The following MVB12B variants were observed in gnomAD, a reference collection of about 807,000 sequenced individuals.
MVB12B encodes ESCRT-I complex subunit MVB12B.
A neutral mutation model predicts 41.6 loss-of-function variants in MVB12B; 16 were observed. That is an observed-to-expected ratio of 0.38 (90% CI 0.26 to 0.58). The LOEUF is 0.58. Among genes scored for constraint, MVB12B ranks in the 20% least tolerant of loss-of-function variants. MVB12B has a pLI of 0.62. For synonymous variants in MVB12B, 133 were observed against 139.7 expected (o/e 0.95, Z 0.34); for missense variants, 274 against 380.2 (o/e 0.72, Z 2.32).
At chr9:126,441,889 T>C (rs1443684636) in intron 7 of MVB12B, among the ~76,000 whole-genome samples, 3 of 152,250 alleles carry the variant, frequency 2.0e-5, no homozygotes, top group Non-Finnish European at 2.9e-5. Flanking sequence ...TCTAGATAGC[T>C]GAATGGTACC....
intron 2 of MVB12B, among the ~76,000 whole-genome samples, chr9:126,350,635 C>T (rs983688181): frequency 6.6e-6 from 1 of 152,182 alleles, no homozygotes; most frequent in African/African-American, 2.4e-5. Flanking sequence ...AACATGCTAG[C>T]TCAGATCTCT....
intron 7 of MVB12B, among the ~76,000 whole-genome samples, chr9:126,466,521 T>C (rs1404162263): frequency 6.6e-6 from 1 of 152,174 alleles, no homozygotes; most frequent in African/African-American, 2.4e-5. Context: ...ACGCGGATAG[T>C]GTGACATGAC....
chr9:126,412,734 A>T (rs1223102392), intron 6 of MVB12B, among the ~76,000 whole-genome samples: 2 of 152,152 alleles, frequency 1.3e-5, no homozygotes, highest in Non-Finnish European at 2.9e-5. Flanking sequence ...GTCACCTCTA[A>T]GTTACTCCCT....
chr9:126,469,576 C>T (rs1337686357), intron 7 of MVB12B, among the ~76,000 whole-genome samples: 1 of 152,194 alleles, frequency 6.6e-6, no homozygotes, highest in Non-Finnish European at 1.5e-5. Context: ...CCTGTCAGGC[C>T]CTTGCTGTCA....
In MVB12B at chr9:126,503,246, C is replaced by T; in HGVS notation, c.943C>T (p.Gln315Ter). 1 of 1,550,332 alleles carries T rather than the reference C, an allele frequency of 6.5e-7. No individual in the cohort carries two copies. Among genetic ancestry groups the T allele is most frequent in the Non-Finnish European group, 8.7e-7 (1 of 1,146,850 alleles). ...RLPPSPTRCQ[Q>*]IPQS ...CCCGCCCAGCCCCACCAGGTGTCAG[C>T]AGATCCCGCAGTCCTGAGGAGCCAG... Residue 315 changes from glutamine (Q) to a stop codon, truncating the protein, a stop_gained, in exon 10 of 10, where the codon CAG (glutamine) becomes TAG (stop). Transcript: ENST00000361171. LOFTEE classifies it high-confidence loss of function.
intron 2 of MVB12B, among the ~76,000 whole-genome samples, chr9:126,346,270 A>C (rs893328434): frequency 2.0e-5 from 3 of 152,162 alleles, no homozygotes; most frequent in Admixed American, 6.5e-5. Flanking sequence ...GGCTATTGAC[A>C]ATGGACATGT....
intron 7 of MVB12B, among the ~76,000 whole-genome samples, chr9:126,467,802 G>C (rs553493865): frequency 6.2e-4 from 95 of 152,280 alleles, no homozygotes; most frequent in Non-Finnish European, 1.2e-3. Flanking sequence ...ACAACAAGAT[G>C]TTCCTGGCCT....
At chr9:126,494,910 G>A (rs1833799921) in intron 9 of MVB12B, among the ~76,000 whole-genome samples, 1 of 150,422 alleles carries the variant, frequency 6.6e-6, no homozygotes. Flanking sequence ...ATAGCATTTA[G>A]GCCAGGCCCG....
Position 126,333,906 on chromosome 9 carries a change from G to C in MVB12B, c.82-6602G>C, listed in dbSNP as rs1829205684. Among the ~76,000 whole-genome samples the C allele has an allele frequency of 6.6e-6, 1 of 151,992 alleles. No individual in the cohort carries two copies. The highest frequency in any genetic ancestry group is 1.5e-5 in the Non-Finnish European group (1 of 68,016). ...CCATCCATTCGTTCATCAAATACCT[G>C]ATGAATACCTGCTCTCTTGTACTTA... On this transcript the variant is annotated intron_variant, in intron 1 of 9. Transcript: ENST00000361171. This position sits in a 1 kb window ranked among gnomAD's most constrained non-coding sequence, Gnocchi z 4.7.
At chr9:126,394,710 A>G (rs1280461424) in intron 5 of MVB12B, among the ~76,000 whole-genome samples, 1 of 152,184 alleles carries the variant, frequency 6.6e-6, no homozygotes, top group Non-Finnish European at 1.5e-5. Context: ...TCACTCATCT[A>G]AGAAGACAGG....
intron 2 of MVB12B, among the ~76,000 whole-genome samples, chr9:126,357,890 C>A (rs1829924625): frequency 1.3e-5 from 2 of 151,964 alleles, no homozygotes. Context: ...TTTACTAAAT[C>A]TTTGCTAGCC....
intron 7 of MVB12B, among the ~76,000 whole-genome samples, chr9:126,446,511 C>CAAAAA: frequency 1.8e-5 from 2 of 113,784 alleles, no homozygotes; most frequent in Non-Finnish European, 3.7e-5. Flanking sequence ...AAAAGAACAC[C>CAAAAA]AAAAAAAAAA....
At chr9:126,351,717 T>C (rs1362311391) in intron 2 of MVB12B, among the ~76,000 whole-genome samples, 1 of 152,184 alleles carries the variant, frequency 6.6e-6, no homozygotes, top group Non-Finnish European at 1.5e-5. Context: ...CTCAAAGTCC[T>C]GACCTTGTGA....
intron 7 of MVB12B, 87 bp from the exon 8 acceptor site, chr9:126,481,282 T>G: frequency 2.7e-6 from 3 of 1,119,864 alleles, no homozygotes; most frequent in Non-Finnish European, 4.0e-6. Flanking sequence ...CGGATTCATA[T>G]TCTCTGTTTC....
intron 2 of MVB12B, among the ~76,000 whole-genome samples, chr9:126,344,551 G>C (rs1431224765): frequency 1.3e-5 from 2 of 152,214 alleles, no homozygotes; most frequent in African/African-American, 4.8e-5. Context: ...GTTGTCCCAT[G>C]GCTGGGTTCA....
At chr9:126,396,914 A>C in intron 6 of MVB12B, 11 of 985,514 alleles carry the variant, frequency 1.1e-5, no homozygotes, top group Non-Finnish European at 1.3e-5. Flanking sequence ...ACTGCCCATC[A>C]GCACTTGTTC....
chr9:126,494,086 A>C (rs1024646939), intron 9 of MVB12B, among the ~76,000 whole-genome samples: 5 of 152,078 alleles, frequency 3.3e-5, no homozygotes, highest in African/African-American at 1.2e-4. Context: ...CTTGCTATTT[A>C]TAGACATTGT....
At chr9:126,338,730 A>G (rs1197969389) in intron 1 of MVB12B, among the ~76,000 whole-genome samples, 1 of 152,218 alleles carries the variant, frequency 6.6e-6, no homozygotes, top group African/African-American at 2.4e-5. Context: ...AAACTGCAGC[A>G]ATGTTATTTT....
intron 9 of MVB12B, among the ~76,000 whole-genome samples, chr9:126,497,193 G>C (rs921129090): frequency 6.6e-5 from 10 of 152,114 alleles, no homozygotes; most frequent in Non-Finnish European, 4.4e-5. Context: ...CTGGAAGTGG[G>C]GGGCCCTAGA....
Sources: gnomAD v4.1 joint callset for allele counts (sites outside exome capture counted in the v4.1 genomes callset) on GRCh38, gnomAD v4.1.1 for gene constraint, Gnocchi (gnomAD v3.1) non-coding constraint, MANE v1.5 for transcripts, NCBI Gene and HGNC (gene_info 2026-07-23, HGNC 2026-07-21) for gene names.